The following TMEM154 variants were observed in gnomAD, a reference collection of about 807,000 sequenced individuals.
TMEM154 encodes the protein transmembrane protein 154.
In TMEM154, 27 loss-of-function variants were observed where a neutral mutation model predicts 24.5. That is an observed-to-expected ratio of 1.10 (90% confidence interval 0.81 to 1.52). The LOEUF (loss-of-function observed/expected upper bound fraction) is 1.52. Ranked by LOEUF, TMEM154 falls within the 40% of genes most tolerant of loss-of-function variation. TMEM154 has a pLI of 0.00. For synonymous variants in TMEM154, 67 were observed against 76.8 expected, an observed-to-expected ratio of 0.87 and a Z score of 0.67; for missense variants, 228 against 213.4, an observed-to-expected ratio of 1.07 and a Z score of -0.43.
At position 152,635,341 on chromosome 4, in the gene TMEM154, G is replaced by C. The variant is rs1267480351; in HGVS notation, c.536+5587C>G. ...CTTATTTTAACAAAATAATAAAAGAGAATGAAAATACATTTTTAAAAGAAA... is the reference window on the plus strand; with the variant it reads ...CTTATTTTAACAAAATAATAAAAGACAATGAAAATACATTTTTAAAAGAAA... On this transcript the variant is annotated intron_variant, in intron 6 of 6. Transcript: ENST00000304385. Among the ~76,000 whole-genome samples the C allele has an allele frequency of 9.9e-5, 15 of 152,274 alleles. No individual in the cohort carries two copies. The East Asian group carries it at 2.9e-3, about 29-fold the overall frequency.
intron 3 of TMEM154, among the ~76,000 whole-genome samples, chr4:152,644,906 G>T (rs1233924658): frequency 6.6e-6 from 1 of 152,128 alleles, no homozygotes; most frequent in African/African-American, 2.4e-5. Context: ...TCCATCAAGG[G>T]CTCCCCTTGG....
intron 3 of TMEM154, among the ~76,000 whole-genome samples, chr4:152,650,798 T>G (rs530012280): frequency 6.6e-6 from 1 of 152,360 alleles, no homozygotes; most frequent in Non-Finnish European, 1.5e-5. Context: ...GAATGGATAT[T>G]GTATCAGCAG....
At position 152,622,801 on chromosome 4, in the gene TMEM154, T is replaced by C. The variant is rs1034601299; in HGVS notation, c.*5745A>G. On this transcript the variant is annotated 3_prime_UTR_variant, in exon 7 of 7. Transcript: ENST00000304385. ...TAATCAGTCTTAAAATTCTGATAGT[T>C]TTACAAATTAGTTCTAATCCGTAGC... 1.3e-5 allele frequency: 2 copies of C among 152,170 alleles called. No individual in the cohort carries two copies. Among genetic ancestry groups the C allele is most frequent in the Non-Finnish European group, 2.9e-5 (2 of 68,032 alleles). The allele number at this position is 152,170 out of a possible 1,614,324, so 9.4% of individuals were successfully genotyped here. A position where few individuals can be genotyped will look rare whatever the true frequency, so the allele number is the denominator to read the frequency against.
In TMEM154 at chr4:152,622,365, T is replaced by C. The variant is rs1380144494; in HGVS notation, c.*6181A>G. Reference sequence around the variant, plus strand: ...GAGGGCAATTAAGAATTATGAATTATGAATTCTTTTTCATAGACACAGAAA... The same window carrying C: ...GAGGGCAATTAAGAATTATGAATTACGAATTCTTTTTCATAGACACAGAAA... On this transcript the variant is annotated 3_prime_UTR_variant, in exon 7 of 7. Transcript: ENST00000304385. The C allele has an allele frequency of 1.3e-5, 2 of 152,196 alleles. No individual in the cohort carries two copies. Among genetic ancestry groups the C allele is most frequent in the Admixed American group, 6.5e-5 (1 of 15,276 alleles). 9.4% of individuals were successfully genotyped at this position (152,196 alleles called of 1,614,324 possible).
chr4:152,640,142 C>T (rs949514848), intron 6 of TMEM154, among the ~76,000 whole-genome samples: 3 of 152,116 alleles, frequency 2.0e-5, no homozygotes, highest in Admixed American at 2.0e-4. Flanking sequence ...ATTTATCCTG[C>T]CTGAAGGTTT....
chr4:152,653,287 A>C (rs1362292309), intron 1 of TMEM154, among the ~76,000 whole-genome samples: 1 of 152,244 alleles, frequency 6.6e-6, no homozygotes, highest in Non-Finnish European at 1.5e-5. Flanking sequence ...GGGTATGATA[A>C]TATTTTAACA....
intron 1 of TMEM154, among the ~76,000 whole-genome samples, chr4:152,676,888 C>T (rs933983217): frequency 6.6e-6 from 1 of 152,196 alleles, no homozygotes; most frequent in African/African-American, 2.4e-5. Flanking sequence ...GTTTCTGCCT[C>T]ATGGCCTTCA....
rs971678925 is a variant in TMEM154 at position 152,653,060 on chromosome 4, G to A, written c.65-133C>T. On this transcript the variant is annotated intron_variant, in intron 1 of 6. Coordinates refer to ENST00000304385, the MANE Select transcript of TMEM154 (RefSeq NM_152680.3). ...CCACTATACTTGGCCTCCAAGCTAA[G>A]TGTGACACAGAACATTGATTTAACA... is the stretch of plus-strand genomic sequence containing the variant. 7 of 828,486 alleles carry A rather than the reference G, an allele frequency of 8.4e-6. No individual in the cohort carries two copies. The Admixed American group carries it at 9.4e-5, about 11-fold the overall frequency. 51.3% of individuals were successfully genotyped at this position (828,486 alleles called of 1,614,324 possible). A position where few individuals can be genotyped will look rare whatever the true frequency, so the allele number is the denominator to read the frequency against.
At chr4:152,636,501 C>T (rs1273898556) in intron 6 of TMEM154, among the ~76,000 whole-genome samples, 3 of 152,224 alleles carry the variant, frequency 2.0e-5, no homozygotes, top group Admixed American at 1.3e-4. Context: ...GTATTTTGTA[C>T]ATCTCTGGTC....
At chr4:152,679,150 A>G (rs1194669213) in intron 1 of TMEM154, among the ~76,000 whole-genome samples, 1 of 152,212 alleles carries the variant, frequency 6.6e-6, no homozygotes, top group Non-Finnish European at 1.5e-5. Context: ...TGTTGCTTTT[A>G]GCCCATAATA....
At chr4:152,642,992 G>A (rs1440400614) in intron 5 of TMEM154, 96 bp downstream of exon 5, 8 of 908,116 alleles carry the variant, frequency 8.8e-6, no homozygotes, top group African/African-American at 5.0e-5. Context: ...GGGTTCTTCT[G>A]TCTCACTCCA....
intron 1 of TMEM154, among the ~76,000 whole-genome samples, chr4:152,672,750 G>A (rs1728874994): frequency 6.6e-6 from 1 of 152,174 alleles, no homozygotes; most frequent in Non-Finnish European, 1.5e-5. Flanking sequence ...AATAGAGGAT[G>A]ATTTAACAAG....
In TMEM154 at chr4:152,628,285, T is replaced by A; in HGVS notation, c.*261A>T. 1.7e-6 allele frequency: 1 copy of A among 590,638 alleles called. No individual in the cohort carries two copies. The allele number at this position is 590,638 out of a possible 1,614,324, so 36.6% of individuals were successfully genotyped here. On this transcript the variant is annotated 3_prime_UTR_variant, in exon 7 of 7. Coordinates refer to ENST00000304385, the MANE Select transcript of TMEM154 (RefSeq NM_152680.3). The stretch of plus-strand genomic sequence containing the variant: ...CACATGTTGATCAGAAGTGAGCACA[T>A]CACCCGCCTCCTTCTCCACCCTCAG...
At position 152,652,826 on chromosome 4, in the gene TMEM154, C is replaced by A. The variant is rs751680579; in HGVS notation, c.166G>T (p.Glu56Ter). ...GAATTTATATTTGCATTTAATGTTT[C>A]TTTGATGGTCACTGCAGCAAATGTG... ...PSTFAAVTIKETLNANINSTN... is the reference protein window; with the variant it reads ...PSTFAAVTIK Residue 56 changes from glutamate to a stop codon, truncating the protein, a stop_gained, in exon 2 of 7, where the codon GAA (glutamate) becomes TAA (stop). Coordinates refer to ENST00000304385, the MANE Select transcript of TMEM154 (RefSeq NM_152680.3). LOFTEE classifies it high-confidence loss of function. 1.5e-5 allele frequency: 24 copies of A among 1,613,852 alleles called. No homozygotes were observed. In the Admixed American group the frequency reaches 3.8e-4, roughly 26 times the overall value.
At chr4:152,664,252 T>G (rs925664630) in intron 1 of TMEM154, among the ~76,000 whole-genome samples, 1 of 152,162 alleles carries the variant, frequency 6.6e-6, no homozygotes, top group Admixed American at 6.5e-5. Context: ...GAAGCCATCA[T>G]TCGCAGCAAA....
At chr4:152,667,308 T>G (rs1252620351) in intron 1 of TMEM154, among the ~76,000 whole-genome samples, 1 of 152,190 alleles carries the variant, frequency 6.6e-6, no homozygotes, top group Non-Finnish European at 1.5e-5. Context: ...GAAAGACAAA[T>G]CTAAAGTGGT....
intron 4 of TMEM154, 38 bp downstream of exon 4, chr4:152,644,377 A>G (rs1244954945): frequency 6.2e-7 from 1 of 1,612,458 alleles, no homozygotes; most frequent in African/African-American, 1.3e-5. Flanking sequence ...GTTGCTGTTC[A>G]CACCCCAGGT....
At chr4:152,674,201 G>A (rs1434861601) in intron 1 of TMEM154, among the ~76,000 whole-genome samples, 4 of 151,884 alleles carry the variant, frequency 2.6e-5, no homozygotes, top group East Asian at 1.9e-4. Flanking sequence ...CTACCAATGC[G>A]CATTTCCTCA....
At chr4:152,656,752 T>C (rs180900972) in intron 1 of TMEM154, among the ~76,000 whole-genome samples, 5 of 151,804 alleles carry the variant, frequency 3.3e-5, no homozygotes, top group Non-Finnish European at 7.4e-5. Flanking sequence ...AGAAACCCCA[T>C]CTCTACGAAA....
Sources: gnomAD v4.1 joint callset for allele counts (sites outside exome capture counted in the v4.1 genomes callset) on GRCh38, gnomAD v4.1.1 for gene constraint, MANE v1.5 for transcripts, NCBI Gene and HGNC (gene_info 2026-07-23, HGNC 2026-07-21) for gene names.